The following CAMK1D variants were observed in gnomAD, a reference collection of about 807,000 sequenced individuals.
The protein encoded by CAMK1D is calcium/calmodulin dependent protein kinase ID, also known as calcium/calmodulin-dependent protein kinase type 1D.
CAMK1D carries 9 observed loss-of-function variants against 47.7 expected under a neutral mutation model. That is an observed-to-expected ratio of 0.19 (90% confidence interval 0.11 to 0.33). The LOEUF is 0.33. CAMK1D is among the 10% of genes least tolerant of loss of function. CAMK1D has a pLI of 1.00. For missense variants in CAMK1D, 291 were observed against 488.7 expected (o/e 0.60, Z 3.81); for synonymous variants, 184 against 184.9 (o/e 0.99, Z 0.04).
At position 12,827,453 on chromosome 10, in the gene CAMK1D, TTTCTTTCTTTGTCTGTCTG is replaced by T. The variant is rs753124068; in HGVS notation, c.1040-1314_1040-1296del. 4.2e-3 allele frequency among the ~76,000 whole-genome samples: 298 copies of T among 70,440 alleles called. 97 individuals are homozygous for T. The highest frequency in any genetic ancestry group is 0.027 in the Middle Eastern group (5 of 184). 46.2% of individuals were successfully genotyped at this position (70,440 alleles called of 152,430 possible). ...CTTCCTTCCTTCTTTCTTTCTTTCT[TTTCTTTCTTTGTCTGTCTG>T]TCTTTCTTTCTTTCTTTCTTTCTTT... On this transcript the variant is annotated intron_variant, in intron 10 of 10. Coordinates refer to ENST00000619168, the MANE Select transcript of CAMK1D (RefSeq NM_153498.4).
intron 3 of CAMK1D, among the ~76,000 whole-genome samples, chr10:12,718,372 T>A (rs955450569): frequency 6.6e-6 from 1 of 152,236 alleles, no homozygotes; most frequent in African/African-American, 2.4e-5. Context: ...CAATATTTGA[T>A]TTTTATACAG....
intron 2 of CAMK1D, among the ~76,000 whole-genome samples, chr10:12,563,664 T>TGAGAGAGAGAGAGAGAGAGA (rs373932374): frequency 8.3e-4 from 108 of 130,100 alleles, no homozygotes; most frequent in East Asian, 3.4e-3. Context: ...GCGGAAGGTT[T>TGAGAGAGAGAGAGAGAGAGA]GAGAGAGAGA....
chr10:12,455,232 C>T (rs930416570), intron 1 of CAMK1D, among the ~76,000 whole-genome samples: 2 of 152,178 alleles, frequency 1.3e-5, no homozygotes, highest in African/African-American at 4.8e-5. Flanking sequence ...AGTGCAGTGA[C>T]ATGACCAGGG....
chr10:12,679,862 C>T (rs992902854), intron 3 of CAMK1D, among the ~76,000 whole-genome samples: 2 of 152,180 alleles, frequency 1.3e-5, no homozygotes, highest in Admixed American at 6.6e-5. Context: ...ATCATCCTCT[C>T]CTCAAGGGTG....
chr10:12,592,609 G>A (rs1050887740), intron 2 of CAMK1D, among the ~76,000 whole-genome samples: 2 of 152,154 alleles, frequency 1.3e-5, no homozygotes, highest in South Asian at 2.1e-4. Context: ...TGAAGGCTCT[G>A]CAGATGCAGT....
chr10:12,716,090 G>A (rs573664017), intron 3 of CAMK1D, among the ~76,000 whole-genome samples: 6 of 152,196 alleles, frequency 3.9e-5, no homozygotes, highest in East Asian at 1.9e-4. Flanking sequence ...AGCATCTATC[G>A]TCAAGTTCTA....
At position 12,367,249 on chromosome 10, in the gene CAMK1D, C is replaced by T. The variant is rs117519351; in HGVS notation, c.92+17339C>T. Among the ~76,000 whole-genome samples the T allele has an allele frequency of 4.6e-3, 693 of 152,286 alleles. 3 individuals are homozygous for T. Among genetic ancestry groups the T allele is most frequent in the Non-Finnish European group, 7.6e-3 (514 of 68,026 alleles). ...ACTGTTACATGCACAGTCCTGCTTTCTGCTAAGCTGCAGATGCCCTAAACC... is the reference window on the plus strand; with the variant it reads ...ACTGTTACATGCACAGTCCTGCTTTTTGCTAAGCTGCAGATGCCCTAAACC... On this transcript the variant is annotated intron_variant, in intron 1 of 10. Coordinates refer to ENST00000619168, the MANE Select transcript of CAMK1D (RefSeq NM_153498.4).
intron 6 of CAMK1D, among the ~76,000 whole-genome samples, chr10:12,796,564 T>C (rs1275011448): frequency 6.6e-6 from 1 of 152,140 alleles, no homozygotes; most frequent in African/African-American, 2.4e-5. Flanking sequence ...GGAATACATA[T>C]GTTCTAAGGA....
At chr10:12,387,405 TATTA>T (rs1183751688) in intron 1 of CAMK1D, among the ~76,000 whole-genome samples, 28 of 64,106 alleles carry the variant, frequency 4.4e-4, no homozygotes, top group Non-Finnish European at 7.5e-4. Flanking sequence ...TATTTTTATA[TATTA>T]TATATATTTT....
At chr10:12,418,776 A>T (rs1839942158) in intron 1 of CAMK1D, among the ~76,000 whole-genome samples, 2 of 152,134 alleles carry the variant, frequency 1.3e-5, no homozygotes, top group South Asian at 4.1e-4. Flanking sequence ...AAAAGACTTG[A>T]TCAGTCAGTT....
intron 1 of CAMK1D, among the ~76,000 whole-genome samples, chr10:12,528,230 A>G (rs1835689747): frequency 6.6e-6 from 1 of 152,264 alleles, no homozygotes. Flanking sequence ...AGACATAACT[A>G]CAATTATACA....
intron 2 of CAMK1D, among the ~76,000 whole-genome samples, chr10:12,579,357 T>C (rs1837593656): frequency 6.6e-6 from 1 of 152,226 alleles, no homozygotes; most frequent in Non-Finnish European, 1.5e-5. Flanking sequence ...CTCTGGACAG[T>C]TGCAGCAGCC....
chr10:12,733,342 A>G (rs80306172), intron 3 of CAMK1D, among the ~76,000 whole-genome samples: 2,469 of 152,314 alleles, frequency 0.016, 42 homozygotes, highest in South Asian at 0.035. Context: ...GTAATATTTT[A>G]AGAGAAAAAT....
intron 1 of CAMK1D, among the ~76,000 whole-genome samples, chr10:12,379,990 G>A (rs1444705692): frequency 2.6e-5 from 4 of 151,906 alleles, no homozygotes; most frequent in East Asian, 1.9e-4. Flanking sequence ...CGAGGCGGGC[G>A]GATCATGAGG....
intron 5 of CAMK1D, among the ~76,000 whole-genome samples, chr10:12,773,925 T>C (rs1476114256): frequency 6.6e-6 from 1 of 151,840 alleles, no homozygotes; most frequent in Non-Finnish European, 1.5e-5. Flanking sequence ...AGAATACAAA[T>C]GTGAATAAGG....
intron 5 of CAMK1D, among the ~76,000 whole-genome samples, chr10:12,773,891 T>A (rs1837155403): frequency 6.6e-6 from 1 of 152,022 alleles, no homozygotes; most frequent in Admixed American, 6.6e-5. Flanking sequence ...AGAGTGAGAC[T>A]CATCTCAAAA....
At chr10:12,491,703 G>A (rs1033049472) in intron 1 of CAMK1D, among the ~76,000 whole-genome samples, 6 of 152,024 alleles carry the variant, frequency 3.9e-5, no homozygotes, top group Admixed American at 3.3e-4. Flanking sequence ...GCACAGGAAG[G>A]CCGGCCGCCG....
chr10:12,522,180 T>C (rs2132193838), intron 1 of CAMK1D, among the ~76,000 whole-genome samples: 1 of 144,706 alleles, frequency 6.9e-6, no homozygotes, highest in South Asian at 2.3e-4. Flanking sequence ...TTGTGTTATA[T>C]GATATATTTC....
chr10:12,671,911 CTTTTT>C (rs773722384), intron 3 of CAMK1D, among the ~76,000 whole-genome samples: 23 of 98,922 alleles, frequency 2.3e-4, no homozygotes, highest in South Asian at 7.2e-4. Context: ...TCACCTAATT[CTTTTT>C]TTTTTTTTTT....
Sources: gnomAD v4.1 joint callset for allele counts (sites outside exome capture counted in the v4.1 genomes callset) on GRCh38, gnomAD v4.1.1 for gene constraint, MANE v1.5 for transcripts, NCBI Gene and HGNC (gene_info 2026-07-23, HGNC 2026-07-21) for gene names.